ARIH1: variants seen among roughly 807,000 people sequenced by gnomAD.
ARIH1 encodes E3 ubiquitin-protein ligase ARIH1.
A neutral mutation model predicts 85.0 loss-of-function variants in ARIH1; 8 were observed. That is an observed-to-expected ratio of 0.09 (90% CI 0.06 to 0.17). The LOEUF (loss-of-function observed/expected upper bound fraction) is 0.17. Ranked by LOEUF, ARIH1 falls within the 10% of genes least tolerant of loss-of-function variation. ARIH1 has a pLI of 1.00. For missense variants in ARIH1, 311 were observed against 718.1 expected, an observed-to-expected ratio of 0.43 and a Z score of 6.48; for synonymous variants, 238 against 253.6, an observed-to-expected ratio of 0.94 and a Z score of 0.59.
intron 2 of ARIH1, among the ~76,000 whole-genome samples, chr15:72,519,049 G>T (rs1161006426): frequency 6.6e-6 from 1 of 152,002 alleles, no homozygotes; most frequent in Non-Finnish European, 1.5e-5. Context: ...TCTTAATCTT[G>T]TTCTGCTCTT....
rs2064331472 is a variant in ARIH1 at position 72,589,426 on chromosome 15, G to A, written c.*6134G>A. 1 of 152,238 alleles carries A rather than the reference G, an allele frequency of 6.6e-6. No individual in the cohort carries two copies. Among genetic ancestry groups the A allele is most frequent in the South Asian group, 2.1e-4 (1 of 4,834 alleles). 9.4% of individuals were successfully genotyped at this position (152,238 alleles called of 1,614,324 possible). A position where few individuals can be genotyped will look rare whatever the true frequency, so the allele number is the denominator to read the frequency against. On this transcript the variant is annotated 3_prime_UTR_variant, in exon 14 of 14. Coordinates refer to ENST00000379887, the MANE Select transcript of ARIH1 (RefSeq NM_005744.5). ...GCTGTCTCAGAGACTCCCAAAGGCA[G>A]GATGAGATTGGGAACTAGAAAACCA...
At chr15:72,501,467 T>TA (rs1477446096) in intron 1 of ARIH1, among the ~76,000 whole-genome samples, 1 of 152,192 alleles carries the variant, frequency 6.6e-6, no homozygotes, top group African/African-American at 2.4e-5. Context: ...GTGTTTTGAG[T>TA]TGCACGGTTT....
At chr15:72,555,680 T>TA (rs1292904742) in intron 4 of ARIH1, among the ~76,000 whole-genome samples, 172 bp from the exon 5 acceptor site, 2 of 152,252 alleles carry the variant, frequency 1.3e-5, no homozygotes, top group African/African-American at 2.4e-5. Context: ...CAAGTCTAGT[T>TA]ACTTTATGGT....
At chr15:72,494,509 G>C (rs928592721) in intron 1 of ARIH1, among the ~76,000 whole-genome samples, 3 of 152,178 alleles carry the variant, frequency 2.0e-5, no homozygotes, top group African/African-American at 7.2e-5. Flanking sequence ...GAAATTACTG[G>C]GAAGTAGAGT....
chr15:72,510,923 G>A (rs1567343081), intron 1 of ARIH1, among the ~76,000 whole-genome samples: 1 of 151,792 alleles, frequency 6.6e-6, no homozygotes, highest in Admixed American at 6.6e-5. Flanking sequence ...GAAATCAGGT[G>A]TTCTGTTTTA....
rs1046935781 is a variant in ARIH1, at chr15:72,592,239, T to G, written c.*8947T>G. On this transcript the variant is annotated 3_prime_UTR_variant, in exon 14 of 14. Transcript: ENST00000379887. ...GTTTCCACAAAATTGCTTTACAGAT[T>G]CTAAATGCTATCTCTGGGACACTGG... The G allele has an allele frequency of 6.6e-6, 1 of 152,212 alleles. No homozygotes were observed. Among genetic ancestry groups the G allele is most frequent in the African/African-American group, 2.4e-5 (1 of 41,446 alleles). 9.4% of individuals were successfully genotyped at this position (152,212 alleles called of 1,614,324 possible). A position where few individuals can be genotyped will look rare whatever the true frequency, so the allele number is the denominator to read the frequency against.
At position 72,540,258 on chromosome 15, in the gene ARIH1, CAAAAAAAAAA is replaced by C. The variant is rs10615863; in HGVS notation, c.444-4547_444-4538del. Among the ~76,000 whole-genome samples, 15 of 81,368 alleles carry C rather than the reference CAAAAAAAAAA, an allele frequency of 1.8e-4. No individual in the cohort carries two copies. The East Asian group carries it at 3.7e-3, about 20-fold the overall frequency. 53.4% of individuals were successfully genotyped at this position (81,368 alleles called of 152,430 possible). ...GGGTGACAAGAGCGAGACTTTGTCT[CAAAAAAAAAA>C]AAAAAAAAAAAAAATTAGTGAAAAA... On this transcript the variant is annotated intron_variant, in intron 2 of 13. Transcript: ENST00000379887.
At chr15:72,508,152 A>G (rs1410839990) in intron 1 of ARIH1, among the ~76,000 whole-genome samples, 2 of 152,234 alleles carry the variant, frequency 1.3e-5, no homozygotes, top group Non-Finnish European at 2.9e-5. Context: ...GCCAGAATGG[A>G]CAGGGGTGGG....
chr15:72,524,017 G>A (rs1403602061), intron 2 of ARIH1, among the ~76,000 whole-genome samples: 2 of 136,138 alleles, frequency 1.5e-5, no homozygotes, highest in African/African-American at 5.5e-5. Context: ...CGCAATCTCG[G>A]CTCACTGTAA....
intron 1 of ARIH1, among the ~76,000 whole-genome samples, chr15:72,479,042 T>C (rs1182458675): frequency 6.6e-6 from 1 of 152,096 alleles, no homozygotes; most frequent in East Asian, 1.9e-4. Flanking sequence ...GGTCTTGCTC[T>C]GTTGCCCAGG....
At chr15:72,512,262 T>C (rs1298807479) in intron 1 of ARIH1, among the ~76,000 whole-genome samples, 2 of 152,012 alleles carry the variant, frequency 1.3e-5, no homozygotes, top group African/African-American at 4.8e-5. Flanking sequence ...AGTGACACCA[T>C]TTTTGGTCCA....
chr15:72,587,542 T>G lies in ARIH1; in HGVS notation c.*4250T>G, dbSNP rs577079814. ...GAATTTTGGATAGTCTGCAGGAAAT[T>G]GTTACAGGATGCACAGAACATCCCA... On this transcript the variant is annotated 3_prime_UTR_variant, in exon 14 of 14. Coordinates refer to ENST00000379887, the MANE Select transcript of ARIH1 (RefSeq NM_005744.5). The G allele has an allele frequency of 2.1e-5, 5 of 240,928 alleles. No homozygotes were observed. The highest frequency in any genetic ancestry group is 3.3e-5 in the Non-Finnish European group (4 of 122,260). The allele number at this position is 240,928 out of a possible 1,614,324, so 14.9% of individuals were successfully genotyped here. A position where few individuals can be genotyped will look rare whatever the true frequency, so the allele number is the denominator to read the frequency against.
intron 11 of ARIH1, among the ~76,000 whole-genome samples, chr15:72,575,819 G>A (rs896434748): frequency 3.3e-5 from 5 of 152,140 alleles, no homozygotes; most frequent in Non-Finnish European, 7.3e-5. Context: ...CTGTTCATAA[G>A]CATTGGTTTG....
intron 1 of ARIH1, among the ~76,000 whole-genome samples, chr15:72,482,257 T>C (rs1376010172): frequency 6.6e-6 from 1 of 152,206 alleles, no homozygotes; most frequent in African/African-American, 2.4e-5. Flanking sequence ...TTTATTAGTA[T>C]GCTGGAAGAG....
At position 72,593,064 on chromosome 15, in the gene ARIH1, C is replaced by G. The variant is rs1310593085; in HGVS notation, c.*9772C>G. On this transcript the variant is annotated 3_prime_UTR_variant, in exon 14 of 14. Coordinates refer to ENST00000379887, the MANE Select transcript of ARIH1 (RefSeq NM_005744.5). Reference sequence around the variant, plus strand: ...TGAGAGTTACAGTTGCTTCACATGTCTGTCAACATTTACACTGTCACTGTT... The same window carrying G: ...TGAGAGTTACAGTTGCTTCACATGTGTGTCAACATTTACACTGTCACTGTT... The G allele has an allele frequency of 6.6e-6, 1 of 152,172 alleles. No homozygotes were observed. The highest frequency in any genetic ancestry group is 1.5e-5 in the Non-Finnish European group (1 of 68,004). The allele number at this position is 152,172 out of a possible 1,614,324, so 9.4% of individuals were successfully genotyped here.
At chr15:72,574,636 T>C (rs2064261903) in intron 11 of ARIH1, among the ~76,000 whole-genome samples, 1 of 152,252 alleles carries the variant, frequency 6.6e-6, no homozygotes, top group African/African-American at 2.4e-5. Flanking sequence ...CAGCAAACTT[T>C]TTCTGTGAAG....
chr15:72,559,988 T>A (rs961342761), intron 5 of ARIH1, among the ~76,000 whole-genome samples: 1 of 152,244 alleles, frequency 6.6e-6, no homozygotes. Flanking sequence ...TTTAATTCTC[T>A]TAAGTATATA....
chr15:72,505,105 C>T (rs1029174038), intron 1 of ARIH1, among the ~76,000 whole-genome samples: 3 of 152,298 alleles, frequency 2.0e-5, no homozygotes, highest in East Asian at 1.9e-4. Flanking sequence ...GCTCCTCAAA[C>T]TTTAACATGC....
intron 1 of ARIH1, among the ~76,000 whole-genome samples, chr15:72,494,213 A>G (rs762743045): frequency 2.6e-5 from 4 of 152,208 alleles, no homozygotes; most frequent in Non-Finnish European, 4.4e-5. Context: ...TTTAGCTGCC[A>G]CACTGCTGGG....
Sources: gnomAD v4.1 joint callset for allele counts (sites outside exome capture counted in the v4.1 genomes callset) on GRCh38, gnomAD v4.1.1 for gene constraint, MANE v1.5 for transcripts, NCBI Gene and HGNC (gene_info 2026-07-23, HGNC 2026-07-21) for gene names.